Variants in OTOGL observed in about 807,000 individuals in gnomAD.
OTOGL encodes otogelin like, also known as otogelin-like protein.
Under a neutral mutation model 318.5 loss-of-function variants are expected in OTOGL, and 285 were observed. The ratio of observed to expected loss-of-function variants is 0.89; its 90% CI spans 0.81 to 0.99. The LOEUF (loss-of-function observed/expected upper bound fraction) is 0.99, where lower values mean the gene tolerates loss of function less well. Among genes scored for constraint, OTOGL ranks in the 50% least tolerant of loss-of-function variants. OTOGL has a pLI of 0.00. For synonymous variants in OTOGL, 987 were observed against 936.5 expected, an observed-to-expected ratio of 1.05 and a Z score of -0.99; for missense variants, 2,899 against 2,845.6, an observed-to-expected ratio of 1.02 and a Z score of -0.43.
chr12:80,307,442 C>A (rs1157174138), intron 29 of OTOGL, among the ~76,000 whole-genome samples: 1 of 146,258 alleles, frequency 6.8e-6, no homozygotes, highest in Non-Finnish European at 1.5e-5. Context: ...GGGGGCTGAC[C>A]CCCCCCACCT....
intron 7 of OTOGL, among the ~76,000 whole-genome samples, chr12:80,223,404 C>CT (rs1179606135): frequency 6.6e-6 from 1 of 151,826 alleles, no homozygotes; most frequent in East Asian, 1.9e-4. Context: ...ATGCAGGTAT[C>CT]TTTTTTTGTA....
intron 1 of OTOGL, among the ~76,000 whole-genome samples, chr12:80,152,168 A>G (rs1040689824): frequency 2.0e-5 from 3 of 152,138 alleles, no homozygotes; most frequent in South Asian, 4.2e-4. Context: ...TGAGCATGTT[A>G]GGCTCTGTGT....
chr12:80,334,492 C>T (rs139355457), intron 38 of OTOGL, among the ~76,000 whole-genome samples: 7 of 151,850 alleles, frequency 4.6e-5, no homozygotes, highest in African/African-American at 9.7e-5. Flanking sequence ...GAATTCTCAG[C>T]GGATAAATGG....
At chr12:80,135,756 G>T (rs555267989) in intron 1 of OTOGL, among the ~76,000 whole-genome samples, 117 of 152,252 alleles carry the variant, frequency 7.7e-4, no homozygotes, top group Non-Finnish European at 1.5e-3. Flanking sequence ...GGTATTCTTG[G>T]ATGAGATTGA....
chr12:80,335,161 G>A (rs1208397783), intron 38 of OTOGL, among the ~76,000 whole-genome samples: 1 of 152,084 alleles, frequency 6.6e-6, no homozygotes, highest in Non-Finnish European at 1.5e-5. Flanking sequence ...GAAATCCCTA[G>A]ACATGCAGTA....
At chr12:80,308,977 CCGTGG>C (rs1384157883) in intron 29 of OTOGL, among the ~76,000 whole-genome samples, 1 of 97,094 alleles carries the variant, frequency 1.0e-5, no homozygotes, top group Non-Finnish European at 2.2e-5. Context: ...GAGAGGGAGA[CCGTGG>C]GGAGAGGGAG....
At position 80,336,526 on chromosome 12, in the gene OTOGL, G is replaced by T. The variant is rs1405749347; in HGVS notation, c.4714G>T (p.Ala1572Ser). Residue 1572 changes from alanine (A) to serine (S), a missense_variant, in exon 40 of 59, where the codon GCT (alanine) becomes TCT (serine). Ala to Ser is a moderately conservative substitution (Grantham distance 99, BLOSUM62 1). Coordinates refer to ENST00000547103, the MANE Select transcript of OTOGL (RefSeq NM_001378609.3). ...AAGAATTCCTGGTGAAATTATAGTTGCTCATATCGAAAAATGTTCCATGAA... is the reference window on the plus strand; with the variant it reads ...AAGAATTCCTGGTGAAATTATAGTTTCTCATATCGAAAAATGTTCCATGAA... ...LVRIPGEIIVAHIEKCSMNQN... is the reference protein window; with the variant it reads ...LVRIPGEIIVSHIEKCSMNQN... 2 of 1,608,566 alleles carry T rather than the reference G, an allele frequency of 1.2e-6. No individual in the cohort carries two copies. Among genetic ancestry groups the T allele is most frequent in the Admixed American group, 3.4e-5 (2 of 59,378 alleles).
chr12:80,110,222 C>T (rs979598115), intron 1 of OTOGL, among the ~76,000 whole-genome samples: 1 of 152,084 alleles, frequency 6.6e-6, no homozygotes, highest in African/African-American at 2.4e-5. Context: ...CGCCCGCCAC[C>T]ACACCCGGCT....
chr12:80,323,036 C>G lies in OTOGL; in HGVS notation c.4082-687C>G, dbSNP rs116343463. Reference sequence around the variant, plus strand: ...GAATAATGGATGGACAATTACTTTGCAGAAAGTAAAATTCTAAACAAGTGT... The same window carrying G: ...GAATAATGGATGGACAATTACTTTGGAGAAAGTAAAATTCTAAACAAGTGT... On this transcript the variant is annotated intron_variant, in intron 34 of 58. Coordinates refer to ENST00000547103, the MANE Select transcript of OTOGL (RefSeq NM_001378609.3). Among the ~76,000 whole-genome samples the G allele has an allele frequency of 6.3e-3, 944 of 150,692 alleles. 15 individuals carry two copies. Among genetic ancestry groups the G allele is most frequent in the African/African-American group, 0.022 (888 of 40,948 alleles).
chr12:80,125,929 T>A (rs140709389), intron 1 of OTOGL, among the ~76,000 whole-genome samples: 5,431 of 152,240 alleles, frequency 0.036, 110 homozygotes, highest in South Asian at 0.089. Context: ...TTCTTCTCTC[T>A]TTTCTTCTTA....
chr12:80,269,564 TTGCTATGTAGAA>T (rs1352851413), intron 22 of OTOGL, among the ~76,000 whole-genome samples: 1 of 152,176 alleles, frequency 6.6e-6, no homozygotes, highest in Non-Finnish European at 1.5e-5. Context: ...GCATTGCACT[TTGCTATGTAGAA>T]TGCTGCTTTA....
Position 80,339,073 on chromosome 12 carries a change from A to G in OTOGL, c.4861-2A>G. 1 of 1,595,292 alleles carries G rather than the reference A, an allele frequency of 6.3e-7. No homozygotes were observed. Among genetic ancestry groups the G allele is most frequent in the Non-Finnish European group, 8.6e-7 (1 of 1,164,812 alleles). ...TTAACAGGTGTATTTATGTTATTCT[A>G]GGTAGAAGTGGATTCCATTGTTGTG... On this transcript the variant is annotated splice_acceptor_variant, in intron 42 of 58. Transcript: ENST00000547103. LOFTEE classifies it high-confidence loss of function.
At chr12:80,192,334 C>T (rs2137264451) in intron 1 of OTOGL, among the ~76,000 whole-genome samples, 1 of 152,356 alleles carries the variant, frequency 6.6e-6, no homozygotes, top group East Asian at 1.9e-4. Context: ...TCATGGTCAA[C>T]TACCCTGCCC....
Position 80,279,173 on chromosome 12 carries a change from C to A in OTOGL, c.2928+7C>A, listed in dbSNP as rs969922119. The A allele has an allele frequency of 1.3e-6, 2 of 1,577,578 alleles. No homozygotes were observed. Among genetic ancestry groups the A allele is most frequent in the South Asian group, 1.1e-5 (1 of 87,196 alleles). On this transcript the variant is annotated splice_region_variant and intron_variant, in intron 26 of 58. Coordinates refer to ENST00000547103, the MANE Select transcript of OTOGL (RefSeq NM_001378609.3). The stretch of plus-strand genomic sequence containing the variant: ...CCAGGTGTTTTTGATAAAGGTAGGT[C>A]ACAGTTACACATTTTTATTTGCATT...
Position 80,229,430 on chromosome 12 carries a change from T to C in OTOGL, c.611+52T>C. On this transcript the variant is annotated intron_variant, in intron 8 of 58. Transcript: ENST00000547103. ...CAGTAACACCACAAATTAATAGAAT[T>C]TCCAAACATCACATGCTGGAAGTGA... The C allele has an allele frequency of 1.9e-6, 3 of 1,539,938 alleles. No homozygotes were observed. In the South Asian group the frequency reaches 3.4e-5, roughly 17 times the overall value.
chr12:80,208,248 G>T (rs752009438), intron 1 of OTOGL: 1 of 515,434 alleles, frequency 1.9e-6, no homozygotes, highest in South Asian at 1.4e-5. Flanking sequence ...AATGATTATT[G>T]GATTTGGAAC....
intron 4 of OTOGL, 126 bp from the exon 5 acceptor site, chr12:80,217,472 A>G (rs1877850329): frequency 2.8e-6 from 2 of 709,668 alleles, no homozygotes; most frequent in East Asian, 5.5e-5. Flanking sequence ...CAATAACCCC[A>G]GAAAATATAA....
chr12:80,190,271 C>T (rs577823004), intron 1 of OTOGL, among the ~76,000 whole-genome samples: 9 of 152,200 alleles, frequency 5.9e-5, no homozygotes, highest in East Asian at 1.9e-4. Flanking sequence ...TCCGGTAAAA[C>T]GCAGATTTTA....
intron 4 of OTOGL, among the ~76,000 whole-genome samples, chr12:80,214,687 A>T (rs1193455772): frequency 6.6e-6 from 1 of 152,152 alleles, no homozygotes; most frequent in African/African-American, 2.4e-5. Context: ...TGTTGATGAC[A>T]TACCAAGGAC....
Sources: allele counts gnomAD v4.1 joint callset (sites outside exome capture counted in the v4.1 genomes callset), GRCh38; gene constraint gnomAD v4.1.1; transcripts MANE v1.5; gene names NCBI Gene and HGNC (gene_info 2026-07-23, HGNC 2026-07-21).